Variants in SLC6A7 observed in about 807,000 individuals in gnomAD.
SLC6A7 encodes sodium-dependent proline transporter.
SLC6A7 carries 58 observed loss-of-function variants against 73.1 expected under a neutral mutation model. The ratio of observed to expected loss-of-function variants is 0.79; its 90% CI spans 0.64 to 0.99. The LOEUF (loss-of-function observed/expected upper bound fraction) is 0.99, where lower values mean the gene tolerates loss of function less well. Among genes scored for constraint, SLC6A7 ranks in the 50% least tolerant of loss-of-function variants. SLC6A7 has a pLI of 0.00. For synonymous variants in SLC6A7, 338 were observed against 338.7 expected, an observed-to-expected ratio of 1.00 and a Z score of 0.02; for missense variants, 783 against 831.4, an observed-to-expected ratio of 0.94 and a Z score of 0.72.
intron 10 of SLC6A7, 86 bp downstream of exon 10, chr5:150,204,124 C>G (rs1318785034): frequency 7.4e-7 from 1 of 1,346,990 alleles, no homozygotes; most frequent in Non-Finnish European, 1.0e-6. Flanking sequence ...TGAGCAGTTG[C>G]TGGGCCCCCT....
At chr5:150,195,063 G>A in intron 2 of SLC6A7, 152 bp downstream of exon 2, 1 of 623,008 alleles carries the variant, frequency 1.6e-6, no homozygotes. Flanking sequence ...GGGCTGGGAG[G>A]AAGGAGTTTA....
At chr5:150,202,735 G>A in intron 8 of SLC6A7, 32 bp downstream of exon 8, 3 of 1,611,720 alleles carry the variant, frequency 1.9e-6, no homozygotes, top group Non-Finnish European at 2.5e-6. Context: ...AGTGGGGTGA[G>A]CATGTGTGTT....
At chr5:150,208,891 G>C (rs538624894) in intron 13 of SLC6A7, among the ~76,000 whole-genome samples, 1 of 152,154 alleles carries the variant, frequency 6.6e-6, no homozygotes, top group South Asian at 2.1e-4. Context: ...GGAAGAAACC[G>C]GGAAAGCCAG....
Position 150,198,169 on chromosome 5 carries a change from C to T in SLC6A7, c.584+893C>T, listed in dbSNP as rs553110633. Among the ~76,000 whole-genome samples the T allele has an allele frequency of 7.6e-4, 116 of 152,102 alleles. 2 individuals carry two copies. In the Middle Eastern group the frequency reaches 0.014, roughly 18 times the overall value. ...AAGCCCAGAGGCTTGCTCAGTATTG[C>T]TCAGTAATTAGTGACAGAGATGGTA... On this transcript the variant is annotated intron_variant, in intron 4 of 13. Transcript: ENST00000230671.
At chr5:150,201,308 C>A in intron 6 of SLC6A7, 85 bp downstream of exon 6, 1 of 959,354 alleles carries the variant, frequency 1.0e-6, no homozygotes, top group Non-Finnish European at 1.5e-6. Context: ...CACCGCAGTA[C>A]CAGGCACTCT....
rs774564099 is a variant in SLC6A7, at chr5:150,204,616, G to A, written c.1417G>A (p.Val473Met). The A allele has an allele frequency of 9.9e-6, 16 of 1,611,694 alleles. No homozygotes were observed. The highest frequency in any genetic ancestry group is 1.6e-4 in the Middle Eastern group (1 of 6,080). ...GGTGGTTATCACCACGTGCCTTGCCGTGACACGGGTGTATGGTGAGAAGAG... is the reference window on the plus strand; with the variant it reads ...GGTGGTTATCACCACGTGCCTTGCCATGACACGGGTGTATGGTGAGAAGAG... ...MVVVITTCLAVTRVYGIQRFC... is the reference protein window; with the variant it reads ...MVVVITTCLAMTRVYGIQRFC... Residue 473 changes from valine (V) to methionine (M), a missense_variant, in exon 11 of 14, where the codon GTG (valine) becomes ATG (methionine). Transcript: ENST00000230671.
chr5:150,197,021 A>C (rs1753062870), intron 3 of SLC6A7, 21 bp from the exon 4 acceptor site: 11 of 1,607,520 alleles, frequency 6.8e-6, no homozygotes, highest in Non-Finnish European at 9.4e-6. Flanking sequence ...TGGGCAGCCC[A>C]GCAGCCTCTC....
intron 4 of SLC6A7, among the ~76,000 whole-genome samples, chr5:150,198,049 GAGAAAGAAAGAAAGAA>G (rs1554115584): frequency 0.01 from 1,062 of 103,632 alleles, 13 homozygotes; most frequent in East Asian, 0.012. Flanking sequence ...AAAGAAGAAA[GAGAAAGAAAGAAAGAA>G]AGAAAGAAAG....
chr5:150,201,642 C>G (rs1216338079), intron 6 of SLC6A7, among the ~76,000 whole-genome samples: 1 of 152,126 alleles, frequency 6.6e-6, no homozygotes, highest in Non-Finnish European at 1.5e-5. Context: ...TAAACTGAGG[C>G]TCAAAAGGGT....
At chr5:150,204,249 G>C (rs1753561951) in intron 10 of SLC6A7, among the ~76,000 whole-genome samples, 1 of 152,188 alleles carries the variant, frequency 6.6e-6, no homozygotes, top group Admixed American at 6.5e-5. Context: ...CAAGATCTGG[G>C]TTCAAACCTG....
chr5:150,197,549 T>C (rs1753098788), intron 4 of SLC6A7, among the ~76,000 whole-genome samples: 1 of 152,218 alleles, frequency 6.6e-6, no homozygotes, highest in Non-Finnish European at 1.5e-5. Flanking sequence ...AGAAAGCATA[T>C]ATTAATAAAT....
chr5:150,190,088 C>A lies in SLC6A7; in HGVS notation c.-240C>A, dbSNP rs879502103. On this transcript the variant is annotated 5_prime_UTR_variant, in exon 1 of 14. Coordinates refer to ENST00000230671, the MANE Select transcript of SLC6A7 (RefSeq NM_014228.5). ...TCAGCTGTCTGTCTGGGTGTCTATGCGGGCGCAGCAGTGCACCCTTCCCCA... is the reference window on the plus strand; with the variant it reads ...TCAGCTGTCTGTCTGGGTGTCTATGAGGGCGCAGCAGTGCACCCTTCCCCA... The A allele has an allele frequency of 2.1e-5, 9 of 422,466 alleles. No homozygotes were observed. In the East Asian group the frequency reaches 2.7e-4, roughly 13 times the overall value. 26.2% of individuals were successfully genotyped at this position (422,466 alleles called of 1,614,324 possible).
Position 150,201,151 on chromosome 5 carries a change from C to T in SLC6A7, c.786C>T (p.Val262=), listed in dbSNP as rs1412617677. The part of the protein sequence containing the change: ...LILLMLLVRG[V]TLPGAWKGIQ... ...TGCTCATGCTGCTGGTCCGCGGAGTCACCCTCCCAGGGGCCTGGAAGGGCA... is the reference window on the plus strand; with the variant it reads ...TGCTCATGCTGCTGGTCCGCGGAGTTACCCTCCCAGGGGCCTGGAAGGGCA... Residue 262 remains valine (V), a synonymous_variant, in exon 6 of 14, where the codon GTC becomes GTT. Transcript: ENST00000230671. 1 of 1,613,614 alleles carries T rather than the reference C, an allele frequency of 6.2e-7. No homozygotes were observed. The highest frequency in any genetic ancestry group is 8.5e-7 in the Non-Finnish European group (1 of 1,179,768).
intron 4 of SLC6A7, among the ~76,000 whole-genome samples, chr5:150,198,875 G>A (rs1753219769): frequency 6.9e-6 from 1 of 143,980 alleles, no homozygotes; most frequent in Non-Finnish European, 1.5e-5. Context: ...GTGTACACAT[G>A]TATATGCAAA....
intron 5 of SLC6A7, among the ~76,000 whole-genome samples, chr5:150,200,313 T>C (rs1451987306): frequency 6.6e-6 from 1 of 152,076 alleles, no homozygotes; most frequent in Non-Finnish European, 1.5e-5. Context: ...GCCAACATGG[T>C]GAAACCCTGT....
rs576869688 is a variant in SLC6A7 at position 150,197,294 on chromosome 5, C to T, written c.584+18C>T. 20 of 1,540,050 alleles carry T rather than the reference C, an allele frequency of 1.3e-5. No individual in the cohort carries two copies. In the African/African-American group the frequency reaches 2.6e-4, roughly 20 times the overall value. On this transcript the variant is annotated intron_variant, in intron 4 of 13. Coordinates refer to ENST00000230671, the MANE Select transcript of SLC6A7 (RefSeq NM_014228.5). The stretch of plus-strand genomic sequence containing the variant: ...TACTGGAGGTCAGGCAGCTGCTGGC[C>T]CCGCGGCATCTGAGGGGACCCTGCA...
rs1753913413 is a variant in SLC6A7 at position 150,210,310 on chromosome 5, G to A, written c.*695G>A. The stretch of plus-strand genomic sequence containing the variant: ...GCTGAGCTGCCTGGGCAGAGACCAA[G>A]AGGGTTGGAGACACTAGTTTTACCA... On this transcript the variant is annotated 3_prime_UTR_variant, in exon 14 of 14. Transcript: ENST00000230671. The A allele has an allele frequency of 6.5e-6, 1 of 153,974 alleles. No homozygotes were observed. Among genetic ancestry groups the A allele is most frequent in the Non-Finnish European group, 1.4e-5 (1 of 69,104 alleles). The allele number at this position is 153,974 out of a possible 1,614,324, so 9.5% of individuals were successfully genotyped here.
intron 7 of SLC6A7, 53 bp downstream of exon 7, chr5:150,202,503 G>A: frequency 1.2e-6 from 2 of 1,610,550 alleles, no homozygotes; most frequent in Non-Finnish European, 1.7e-6. Flanking sequence ...GGAGGAGAGT[G>A]GCTGGCCAGG....
At position 150,194,900 on chromosome 5, in the gene SLC6A7, C is replaced by A. The variant is rs192386891; in HGVS notation, c.206C>A (p.Thr69Asn). The A allele has an allele frequency of 2.5e-5, 41 of 1,613,532 alleles. No individual in the cohort carries two copies. The highest frequency in any genetic ancestry group is 8.5e-6 in the Non-Finnish European group (10 of 1,179,514). ...NVWRFPYRAYTNGGGAFLVPY... is the reference protein window; with the variant it reads ...NVWRFPYRAYNNGGGAFLVPY... ...TGGCGCTTCCCCTATCGAGCGTACA[C>A]CAATGGAGGAGGTATGGGCCTGAGG... is the stretch of plus-strand genomic sequence containing the variant. The change falls in exon 2 of 14, where the codon ACC becomes AAC. Residue 69 changes from threonine (T) to asparagine (N), a missense_variant. Transcript: ENST00000230671.
Sources: gnomAD v4.1 joint callset for allele counts (sites outside exome capture counted in the v4.1 genomes callset) on GRCh38, gnomAD v4.1.1 for gene constraint, MANE v1.5 for transcripts, NCBI Gene and HGNC (gene_info 2026-07-23, HGNC 2026-07-21) for gene names.